The following TBC1D19 variants were observed in gnomAD, a reference collection of about 807,000 sequenced individuals.
TBC1D19 encodes TBC1 domain family, member 19.
Under a neutral mutation model 89.0 loss-of-function variants are expected in TBC1D19, and 60 were observed. That is an observed-to-expected ratio of 0.67 (90% confidence interval 0.55 to 0.84). The LOEUF is 0.84. Ranked by LOEUF, TBC1D19 falls within the 40% of genes least tolerant of loss-of-function variation. The probability of loss-of-function intolerance (pLI) is 0.00; values close to 1 mark genes in which losing one functional copy is unlikely to be tolerated. For synonymous variants in TBC1D19, 189 were observed against 199.7 expected (o/e 0.95, Z 0.45); for missense variants, 500 against 610.8 (o/e 0.82, Z 1.91).
intron 15 of TBC1D19, among the ~76,000 whole-genome samples, chr4:26,735,075 C>CATGTATAT (rs1717947257): frequency 6.7e-6 from 1 of 150,078 alleles, no homozygotes; most frequent in African/African-American, 2.5e-5. Flanking sequence ...TATGTATACA[C>CATGTATAT]ATGTATATAT....
intron 19 of TBC1D19, among the ~76,000 whole-genome samples, chr4:26,753,075 G>A (rs978700381): frequency 8.5e-5 from 13 of 152,194 alleles, no homozygotes; most frequent in African/African-American, 2.9e-4. Flanking sequence ...TTAAATGTCA[G>A]GATCAATCCC....
At chr4:26,790,532 G>A in the TBC1D19 span, among the ~76,000 whole-genome samples, 3 of 150,486 alleles carry the variant, frequency 2.0e-5, no homozygotes, top group South Asian at 2.1e-4. Flanking sequence ...TGATATTACC[G>A]TGATGGATGG....
chr4:26,654,475 A>G (rs1449965042), intron 7 of TBC1D19, among the ~76,000 whole-genome samples: 1 of 152,162 alleles, frequency 6.6e-6, no homozygotes, highest in African/African-American at 2.4e-5. Flanking sequence ...GTGTTTTCCA[A>G]CTTGGTTCCA....
intron 13 of TBC1D19, among the ~76,000 whole-genome samples, chr4:26,710,401 T>G (rs1716089647): frequency 1.3e-5 from 2 of 152,234 alleles, no homozygotes; most frequent in Admixed American, 6.5e-5. Context: ...ATGGTGTGTA[T>G]GTGCCACATT....
chr4:26,810,348 C>T, the TBC1D19 span, among the ~76,000 whole-genome samples: 2 of 152,184 alleles, frequency 1.3e-5, no homozygotes, highest in Non-Finnish European at 1.5e-5. Flanking sequence ...ACCTCAGATA[C>T]CAGGTAATTG....
chr4:26,721,293 A>G (rs889640546), intron 15 of TBC1D19, among the ~76,000 whole-genome samples: 1 of 152,014 alleles, frequency 6.6e-6, no homozygotes, highest in African/African-American at 2.4e-5. Context: ...AAATTAAAAA[A>G]CAAAAAACAA....
the TBC1D19 span, among the ~76,000 whole-genome samples, chr4:26,778,568 A>C: frequency 1.6e-4 from 25 of 152,148 alleles, no homozygotes; most frequent in Admixed American, 1.6e-3. Flanking sequence ...CTGCTCAACT[A>C]TGAATCTTTA....
the TBC1D19 span, among the ~76,000 whole-genome samples, chr4:26,820,836 A>G: frequency 6.6e-6 from 1 of 152,194 alleles, no homozygotes. Context: ...AATATATTAT[A>G]TGTTTAACTC....
the TBC1D19 span, among the ~76,000 whole-genome samples, chr4:26,768,676 A>G: frequency 6.6e-6 from 1 of 152,200 alleles, no homozygotes; most frequent in Admixed American, 6.6e-5. Flanking sequence ...AGTGTCTAAG[A>G]TGAAAAGGAA....
the TBC1D19 span, among the ~76,000 whole-genome samples, chr4:26,802,335 T>C: frequency 6.6e-6 from 1 of 152,220 alleles, no homozygotes; most frequent in African/African-American, 2.4e-5. Flanking sequence ...GCATGGTGAC[T>C]GGCACTTGTA....
At chr4:26,762,957 A>G in the TBC1D19 span, among the ~76,000 whole-genome samples, 1 of 152,172 alleles carries the variant, frequency 6.6e-6, no homozygotes, top group Non-Finnish European at 1.5e-5. Context: ...CAGAACTGTA[A>G]GATAATAATG....
At chr4:26,600,365 G>A (rs1288737397) in intron 1 of TBC1D19, among the ~76,000 whole-genome samples, 1 of 152,140 alleles carries the variant, frequency 6.6e-6, no homozygotes, top group East Asian at 1.9e-4. Context: ...ATGGTGTACA[G>A]GATTATAAAA....
chr4:26,724,871 T>A (rs1717208190), intron 15 of TBC1D19, among the ~76,000 whole-genome samples: 1 of 152,216 alleles, frequency 6.6e-6, no homozygotes, highest in Admixed American at 6.5e-5. Flanking sequence ...CTTCCCAGGC[T>A]TTTCAATCTG....
At chr4:26,718,452 T>C (rs1267327667) in intron 14 of TBC1D19, among the ~76,000 whole-genome samples, 2 of 152,122 alleles carry the variant, frequency 1.3e-5, no homozygotes, top group African/African-American at 4.8e-5. Flanking sequence ...TTTTCTCCTC[T>C]TTATCACCAG....
chr4:26,718,900 C>G (rs1174264033), intron 14 of TBC1D19, among the ~76,000 whole-genome samples: 2 of 152,088 alleles, frequency 1.3e-5, no homozygotes, highest in Non-Finnish European at 2.9e-5. Context: ...CCTAACCTAA[C>G]TAACTTTGCT....
At chr4:26,721,993 C>T (rs1278484173) in intron 15 of TBC1D19, among the ~76,000 whole-genome samples, 1 of 152,096 alleles carries the variant, frequency 6.6e-6, no homozygotes, top group African/African-American at 2.4e-5. Flanking sequence ...CTCTAGACTC[C>T]CATAGTACCT....
intron 7 of TBC1D19, among the ~76,000 whole-genome samples, chr4:26,640,585 G>A (rs1315281617): frequency 6.6e-6 from 1 of 152,224 alleles, no homozygotes; most frequent in Non-Finnish European, 1.5e-5. Context: ...CGGAGGGTGA[G>A]CCGAAGCAGG....
In TBC1D19 at chr4:26,651,151, A is replaced by G. The variant is rs113360666; in HGVS notation, c.481-8446A>G. 6.3e-3 allele frequency among the ~76,000 whole-genome samples: 960 copies of G among 152,278 alleles called. 7 individuals are homozygous for G. The highest frequency in any genetic ancestry group is 0.022 in the African/African-American group (907 of 41,556). On this transcript the variant is annotated intron_variant, in intron 7 of 20. Coordinates refer to ENST00000264866, the MANE Select transcript of TBC1D19 (RefSeq NM_018317.4). ...GTATAGTTTGAAGTCAGGTAGCGTG[A>G]TGCCTTCGGCTTTGTTCTTTTGGCT... is the stretch of plus-strand genomic sequence containing the variant.
chr4:26,855,570 T>G, the TBC1D19 span, among the ~76,000 whole-genome samples: 1 of 152,128 alleles, frequency 6.6e-6, no homozygotes, highest in African/African-American at 2.4e-5. Flanking sequence ...TTATGGCCAT[T>G]TTTTTTATAC....
Sources: gnomAD v4.1 joint callset for allele counts (sites outside exome capture counted in the v4.1 genomes callset) on GRCh38, gnomAD v4.1.1 for gene constraint, MANE v1.5 for transcripts, NCBI Gene and HGNC (gene_info 2026-07-23, HGNC 2026-07-21) for gene names.